PFKP: variants seen among roughly 807,000 people sequenced by gnomAD.
The protein encoded by PFKP is phosphofructokinase, platelet, also known as ATP-dependent 6-phosphofructokinase, platelet type.
In PFKP, 101 loss-of-function variants were observed where a neutral mutation model predicts 94.3. The ratio of observed to expected loss-of-function variants is 1.07; its 90% CI spans 0.91 to 1.26. The LOEUF is 1.26. Among genes scored for constraint, PFKP ranks in the 50% most tolerant of loss-of-function variants. The pLI, the probability that PFKP is intolerant of heterozygous loss-of-function variation, is 0.00. For missense variants in PFKP, 1,145 were observed against 1,103.3 expected (o/e 1.04, Z -0.53); for synonymous variants, 573 against 432.6 (o/e 1.32, Z -4.03).
chr10:3,135,940 G>A lies in PFKP; in HGVS notation c.2225+102G>A, dbSNP rs1564365388. 5 of 729,676 alleles carry A rather than the reference G, an allele frequency of 6.9e-6. No homozygotes were observed. The South Asian group carries it at 8.3e-5, about 12-fold the overall frequency. The allele number at this position is 729,676 out of a possible 1,614,324, so 45.2% of individuals were successfully genotyped here. ...GTCGGCAACTCATTCAGGGGTTTGA[G>A]GAACTGGCTTTTCTGAAGCTCAGTT... On this transcript the variant is annotated intron_variant, in intron 21 of 21. Transcript: ENST00000381125.
At chr10:3,102,157 A>G (rs943400443) in intron 4 of PFKP, among the ~76,000 whole-genome samples, 3 of 141,170 alleles carry the variant, frequency 2.1e-5, no homozygotes, top group African/African-American at 7.7e-5. Context: ...AGGCTGAGGC[A>G]GGAGAATGGC....
intron 2 of PFKP, among the ~76,000 whole-genome samples, chr10:3,084,189 G>A (rs924658730): frequency 9.2e-5 from 14 of 152,198 alleles, no homozygotes; most frequent in African/African-American, 2.7e-4. Context: ...TGATGGCTTG[G>A]GATGCCTCTT....
At chr10:3,101,948 G>A (rs966374248) in intron 4 of PFKP, among the ~76,000 whole-genome samples, 2 of 152,136 alleles carry the variant, frequency 1.3e-5, no homozygotes, top group Non-Finnish European at 2.9e-5. Context: ...CAGCTCGCTG[G>A]GGTCCTTTAA....
At chr10:3,119,762 G>GTGGTCGCCGGATCATTA in intron 15 of PFKP, 130 bp from the exon 16 acceptor site, 1 of 664,016 alleles carries the variant, frequency 1.5e-6, no homozygotes, top group Non-Finnish European at 2.6e-6. Context: ...GTTGATCTCG[G>GTGGTCGCCGGATCATTA]AGTGTTTTCG....
At chr10:3,136,023 T>G (rs896063486) in intron 21 of PFKP, among the ~76,000 whole-genome samples, 185 bp downstream of exon 21, 1 of 152,110 alleles carries the variant, frequency 6.6e-6, no homozygotes, top group African/African-American at 2.4e-5. Flanking sequence ...CCCAGCACTG[T>G]GGGAGGCCGA....
Position 3,118,780 on chromosome 10 carries a change from A to T in PFKP, c.1443-2A>T. On this transcript the variant is annotated splice_acceptor_variant, in intron 14 of 21. Transcript: ENST00000381125. LOFTEE classifies it high-confidence loss of function. ...CATCGTTCTCCACGTGGCTATTTTC[A>T]GCGTTCTCCCGGGGAAGTACTTGGA... 1.9e-6 allele frequency: 3 copies of T among 1,612,066 alleles called. No individual in the cohort carries two copies. Among genetic ancestry groups the T allele is most frequent in the Non-Finnish European group, 2.5e-6 (3 of 1,178,498 alleles).
chr10:3,123,927 C>T (rs1342296224), intron 16 of PFKP, among the ~76,000 whole-genome samples: 1 of 152,246 alleles, frequency 6.6e-6, no homozygotes, highest in African/African-American at 2.4e-5. Context: ...TGCGGGGGAC[C>T]CTGCTCACAG....
intron 1 of PFKP, among the ~76,000 whole-genome samples, chr10:3,068,269 G>A (rs1831892970): frequency 6.6e-6 from 1 of 152,190 alleles, no homozygotes; most frequent in African/African-American, 2.4e-5. Context: ...TGCCCTGCGC[G>A]GCGTGGGCGG....
At chr10:3,092,808 A>G (rs918521801) in intron 2 of PFKP, among the ~76,000 whole-genome samples, 10 of 152,168 alleles carry the variant, frequency 6.6e-5, no homozygotes, top group African/African-American at 2.4e-4. Context: ...GAGAAATCTC[A>G]CACTTGTGAC....
chr10:3,104,785 GAA>G, intron 5 of PFKP: 1 of 410,040 alleles, frequency 2.4e-6, no homozygotes, highest in Non-Finnish European at 4.4e-6. Context: ...GCCCAATAGA[GAA>G]GGTATCTGGG....
intron 2 of PFKP, among the ~76,000 whole-genome samples, chr10:3,096,630 C>T (rs1221228096): frequency 6.8e-6 from 1 of 146,420 alleles, no homozygotes; most frequent in Non-Finnish European, 1.5e-5. Flanking sequence ...GCCCAGGCTA[C>T]ATGCCTGCTT....
At chr10:3,108,935 T>C (rs1835891691) in intron 9 of PFKP, 142 bp downstream of exon 9, 3 of 670,938 alleles carry the variant, frequency 4.5e-6, no homozygotes, top group Non-Finnish European at 8.1e-6. Context: ...TTAACGATCC[T>C]TGAGACCTTT....
chr10:3,129,574 C>A (rs1037204372), intron 16 of PFKP: 3 of 505,020 alleles, frequency 5.9e-6, no homozygotes, highest in South Asian at 2.5e-5. Flanking sequence ...GATGGCCAGG[C>A]CCCCAAAACG....
In PFKP at chr10:3,112,121, G is replaced by C; in HGVS notation, c.1090-101G>C. On this transcript the variant is annotated intron_variant, in intron 10 of 21. Transcript: ENST00000381125. ...GCTGCTGGCTGCCCGGGTCAGACTG[G>C]AGGGGGCTGGTGGGAAGGACCGAGC... is the stretch of plus-strand genomic sequence containing the variant. The C allele has an allele frequency of 3.2e-6, 3 of 936,046 alleles. No individual in the cohort carries two copies. The South Asian group carries it at 4.0e-5, about 12-fold the overall frequency. 58.0% of individuals were successfully genotyped at this position (936,046 alleles called of 1,614,324 possible).
At chr10:3,116,655 A>G in intron 13 of PFKP, 121 bp from the exon 14 acceptor site, 1 of 764,336 alleles carries the variant, frequency 1.3e-6, no homozygotes, top group South Asian at 1.5e-5. Context: ...GCTGTCTCAT[A>G]CGCCTCTCAA....
chr10:3,071,427 G>GTTTTTTTTTTTTTTT (rs569603765), intron 1 of PFKP, among the ~76,000 whole-genome samples: 326 of 92,288 alleles, frequency 3.5e-3, no homozygotes, highest in Middle Eastern at 6.0e-3. Flanking sequence ...GTCTCAGGCT[G>GTTTTTTTTTTTTTTT]TTTTTTTTTT....
At chr10:3,067,822 G>A (rs1023499664) in intron 1 of PFKP, 115 bp downstream of exon 1, 3 of 496,834 alleles carry the variant, frequency 6.0e-6, no homozygotes, top group Non-Finnish European at 1.0e-5. Context: ...GGGGGGACCC[G>A]GGGAAAGGTG....
chr10:3,129,606 G>A, intron 16 of PFKP: 1 of 566,204 alleles, frequency 1.8e-6, no homozygotes. Flanking sequence ...TCACCTCCAG[G>A]TGGCTGCCAT....
chr10:3,129,003 C>A (rs1442888053), intron 16 of PFKP: 4 of 152,232 alleles, frequency 2.6e-5, no homozygotes, highest in African/African-American at 9.7e-5. Context: ...TTTGAATAAA[C>A]CAAGAACTGG....
Sources: gnomAD v4.1 joint callset for allele counts (sites outside exome capture counted in the v4.1 genomes callset) on GRCh38, gnomAD v4.1.1 for gene constraint, MANE v1.5 for transcripts, NCBI Gene and HGNC (gene_info 2026-07-23, HGNC 2026-07-21) for gene names.